The following AKAP10 variants were observed in gnomAD, a reference collection of about 807,000 sequenced individuals.
AKAP10 encodes the protein A-kinase anchor protein 10, mitochondrial.
A neutral mutation model predicts 80.8 loss-of-function variants in AKAP10; 24 were observed. The ratio of observed to expected loss-of-function variants is 0.30; its 90% CI spans 0.22 to 0.42. The LOEUF is 0.42. Ranked by LOEUF, AKAP10 falls within the 10% of genes least tolerant of loss-of-function variation. The pLI, the probability that AKAP10 is intolerant of heterozygous loss-of-function variation, is 1.00. For missense variants in AKAP10, 661 were observed against 794.9 expected (o/e 0.83, Z 2.03); for synonymous variants, 291 against 277.7 (o/e 1.05, Z -0.48).
At chr17:19,913,593 T>A (rs1192074710) in intron 12 of AKAP10, among the ~76,000 whole-genome samples, 1 of 152,218 alleles carries the variant, frequency 6.6e-6, no homozygotes, top group Non-Finnish European at 1.5e-5. Flanking sequence ...AGACTTCAAT[T>A]TCTACATTTG....
chr17:19,925,110 G>A (rs2042862673), intron 10 of AKAP10, among the ~76,000 whole-genome samples: 1 of 152,244 alleles, frequency 6.6e-6, no homozygotes, highest in Middle Eastern at 3.4e-3. Context: ...GTCGCAGTGA[G>A]CCAAGATTGT....
chr17:19,977,634 G>T lies in AKAP10; in HGVS notation c.46C>A (p.Arg16Ser). The change falls in exon 1 of 15, where the codon CGT (arginine) becomes AGT (serine). Residue 16 changes from arginine (R) to serine (S), a missense_variant. Transcript: ENST00000225737. ...GACATGGCGGGGCCCGGGTCGGGAC[G>T]GAGGGTGCGGGGGGACTGGCGCGGG... ...PSPRQSPRTL[R>S]PDPGPAMSFF... 8.1e-7 allele frequency: 1 copy of T among 1,235,390 alleles called. No homozygotes were observed. The highest frequency in any genetic ancestry group is 1.0e-6 in the Non-Finnish European group (1 of 988,012). 76.5% of individuals were successfully genotyped at this position (1,235,390 alleles called of 1,614,324 possible). A position where few individuals can be genotyped will look rare whatever the true frequency, so the allele number is the denominator to read the frequency against.
chr17:19,918,240 A>T (rs1194175363), intron 12 of AKAP10, among the ~76,000 whole-genome samples: 4 of 151,240 alleles, frequency 2.6e-5, no homozygotes, highest in Non-Finnish European at 5.9e-5. Context: ...AAAAAAAAAA[A>T]AAGAAAATAA....
In AKAP10 at chr17:19,958,552, G is replaced by A. The variant is rs202154626; in HGVS notation, c.339C>T (p.Tyr113=). The change falls in exon 4 of 15, where the codon TAC becomes TAT. Residue 113 remains tyrosine, a synonymous_variant. Transcript: ENST00000225737. ...FGDLGRSCLD[Y]QTQETKSSLS... ...GGCTTGATTTGGTCTCTTGAGTCTGGTAGTCCAGACAAGATCTGCCTAAAA... is the reference window on the plus strand; with the variant it reads ...GGCTTGATTTGGTCTCTTGAGTCTGATAGTCCAGACAAGATCTGCCTAAAA... 102 of 1,603,086 alleles carry A rather than the reference G, an allele frequency of 6.4e-5. No homozygotes were observed. Among genetic ancestry groups the A allele is most frequent in the Middle Eastern group, 1.6e-4 (1 of 6,076 alleles).
chr17:19,950,563 G>A (rs1215257779), intron 4 of AKAP10, among the ~76,000 whole-genome samples: 1 of 152,196 alleles, frequency 6.6e-6, no homozygotes, highest in Admixed American at 6.5e-5. Flanking sequence ...TGCCTGCCTC[G>A]GCCTCCCGAG....
intron 3 of AKAP10, among the ~76,000 whole-genome samples, chr17:19,962,321 CACAT>C (rs963808131): frequency 1.2e-4 from 18 of 148,150 alleles, no homozygotes; most frequent in African/African-American, 2.8e-4. Flanking sequence ...CACACACACA[CACAT>C]ACACACCTGC....
rs576802565 is a variant in AKAP10 at position 19,976,550 on chromosome 17, G to A, written c.88+1042C>T. Among the ~76,000 whole-genome samples, 5 of 151,432 alleles carry A rather than the reference G, an allele frequency of 3.3e-5. No individual in the cohort carries two copies. In the East Asian group the frequency reaches 9.8e-4, roughly 30 times the overall value. On this transcript the variant is annotated intron_variant, in intron 1 of 14. Transcript: ENST00000225737. ...TACTTTTTTTTTGAGACGGAGTTTC[G>A]CTCTTTTTGCCCAGGCTGGAGTGCA...
rs2043149026 is a variant in AKAP10, at chr17:19,947,598, G to A, written c.878-93C>T. 7 of 860,994 alleles carry A rather than the reference G, an allele frequency of 8.1e-6. No individual in the cohort carries two copies. In the South Asian group the frequency reaches 9.9e-5, roughly 12 times the overall value. 53.3% of individuals were successfully genotyped at this position (860,994 alleles called of 1,614,324 possible). ...TGAATAGCAGGGCTTAGATCACTGT[G>A]AGTTCCTATTGCAAAATAAACTTCC... On this transcript the variant is annotated intron_variant, in intron 4 of 14. Coordinates refer to ENST00000225737, the MANE Select transcript of AKAP10 (RefSeq NM_007202.4).
At chr17:19,950,147 A>G (rs2043183525) in intron 4 of AKAP10, among the ~76,000 whole-genome samples, 1 of 152,242 alleles carries the variant, frequency 6.6e-6, no homozygotes. Flanking sequence ...TACTAAAAAT[A>G]CAAAAAAATT....
intron 12 of AKAP10, among the ~76,000 whole-genome samples, chr17:19,915,029 T>C (rs1426293478): frequency 6.6e-6 from 1 of 152,198 alleles, no homozygotes; most frequent in African/African-American, 2.4e-5. Context: ...CAATAACGTA[T>C]GCATAGGGCA....
At chr17:19,946,836 G>A (rs1253861253) in intron 5 of AKAP10, among the ~76,000 whole-genome samples, 1 of 152,070 alleles carries the variant, frequency 6.6e-6, no homozygotes, top group African/African-American at 2.4e-5. Context: ...CAAGTCACAG[G>A]CCATGTGATG....
In AKAP10 at chr17:19,936,326, A is replaced by G; in HGVS notation, c.1427T>C (p.Phe476Ser). The G allele has an allele frequency of 6.2e-7, 1 of 1,613,904 alleles. No individual in the cohort carries two copies. The highest frequency in any genetic ancestry group is 8.5e-7 in the Non-Finnish European group (1 of 1,179,870). ...CREGGPLPNC[F>S]TTPLRQAWTT... ...CCAGGCCTGACGTAATGGAGTTGTG[A>G]AACAGTTGGGGAGTGGCCCACCTTC... The change falls in exon 9 of 15, where the codon TTC becomes TCC. Residue 476 changes from phenylalanine (F) to serine (S), a missense_variant. Transcript: ENST00000225737.
intron 2 of AKAP10, among the ~76,000 whole-genome samples, chr17:19,964,444 G>A (rs2043391255): frequency 6.6e-6 from 1 of 152,052 alleles, no homozygotes; most frequent in Admixed American, 6.6e-5. Flanking sequence ...GTCAGATATA[G>A]CCTGCTTCTT....
chr17:19,940,742 G>T, intron 7 of AKAP10, 145 bp downstream of exon 7: 1 of 882,364 alleles, frequency 1.1e-6, no homozygotes, highest in Non-Finnish European at 1.6e-6. Flanking sequence ...AATTACTCTT[G>T]CCATCAGAAA....
chr17:19,924,961 C>T (rs936080705), intron 10 of AKAP10, among the ~76,000 whole-genome samples: 1 of 151,928 alleles, frequency 6.6e-6, no homozygotes, highest in Non-Finnish European at 1.5e-5. Context: ...GCCAAGAGTT[C>T]GAGGCCAGCA....
chr17:19,918,523 T>A (rs1342956148), intron 12 of AKAP10, among the ~76,000 whole-genome samples: 1 of 152,202 alleles, frequency 6.6e-6, no homozygotes, highest in Non-Finnish European at 1.5e-5. Flanking sequence ...GGTTTCACCA[T>A]GTTGGCCAGG....
rs759814943 is a variant in AKAP10 at position 19,941,813 on chromosome 17, T to C, written c.1061+13A>G. On this transcript the variant is annotated intron_variant, in intron 6 of 14. Coordinates refer to ENST00000225737, the MANE Select transcript of AKAP10 (RefSeq NM_007202.4). ...CCCTAGGATGCACAATGTGAAAATA[T>C]GAACTAACTTACTCTTGCTCCATTG... The C allele has an allele frequency of 3.3e-6, 5 of 1,533,836 alleles. No individual in the cohort carries two copies. The highest frequency in any genetic ancestry group is 3.5e-6 in the Non-Finnish European group (4 of 1,137,428).
chr17:19,917,968 C>T (rs2042766261), intron 12 of AKAP10, among the ~76,000 whole-genome samples: 1 of 152,022 alleles, frequency 6.6e-6, no homozygotes. Context: ...CACTTGTAAT[C>T]TCAGCACTTT....
intron 1 of AKAP10, among the ~76,000 whole-genome samples, chr17:19,968,959 G>A (rs2043459319): frequency 6.6e-6 from 1 of 152,172 alleles, no homozygotes; most frequent in Admixed American, 6.5e-5. Context: ...GCATAGTGAA[G>A]AAAGGTCTTT....
Sources: gnomAD v4.1 joint callset for allele counts (sites outside exome capture counted in the v4.1 genomes callset) on GRCh38, gnomAD v4.1.1 for gene constraint, MANE v1.5 for transcripts, NCBI Gene and HGNC (gene_info 2026-07-23, HGNC 2026-07-21) for gene names.